TBCK: variants seen among roughly 807,000 people sequenced by gnomAD.
TBCK encodes the protein TBC1 domain containing kinase.
TBCK carries 99 observed loss-of-function variants against 113.4 expected under a neutral mutation model. The ratio of observed to expected loss-of-function variants is 0.87; its 90% CI spans 0.74 to 1.03. The LOEUF is 1.03. TBCK is among the 50% of genes least tolerant of loss of function. The probability of loss-of-function intolerance (pLI) is 0.00; values close to 1 mark genes in which losing one functional copy is unlikely to be tolerated. For synonymous variants in TBCK, 369 were observed against 370.8 expected, an observed-to-expected ratio of 1.00 and a Z score of 0.05; for missense variants, 1,045 against 1,061.3, an observed-to-expected ratio of 0.98 and a Z score of 0.21.
rs1361877006 is a variant in TBCK at position 106,050,707 on chromosome 4, A to G, written c.2572-4027T>C. ...CCCACTATAGGGCTACATCCCATGT[A>G]GAGAGAATGGGGGTCTTCAAATTGC... On this transcript the variant is annotated intron_variant, in intron 25 of 25. Coordinates refer to ENST00000394708, the MANE Select transcript of TBCK (RefSeq NM_001163435.3). 3.3e-5 allele frequency among the ~76,000 whole-genome samples: 5 copies of G among 152,082 alleles called. No homozygotes were observed. In the East Asian group the frequency reaches 5.8e-4, roughly 18 times the overall value.
Position 106,233,579 on chromosome 4 carries a change from A to T in TBCK, c.1512+9T>A. The T allele has an allele frequency of 6.2e-7, 1 of 1,608,988 alleles. No homozygotes were observed. Among genetic ancestry groups the T allele is most frequent in the Non-Finnish European group, 8.5e-7 (1 of 1,176,738 alleles). ...TATCTTAGGTTGCTTAAGAAAACCT[A>T]AATCATACTTGTCTATCTGTAGGAA... On this transcript the variant is annotated intron_variant, in intron 16 of 25. Coordinates refer to ENST00000394708, the MANE Select transcript of TBCK (RefSeq NM_001163435.3).
At chr4:106,091,932 T>C (rs922880255) in intron 25 of TBCK, among the ~76,000 whole-genome samples, 1 of 152,204 alleles carries the variant, frequency 6.6e-6, no homozygotes, top group African/African-American at 2.4e-5. Flanking sequence ...TTTGACAGGG[T>C]GCTGATTAGT....
chr4:106,149,163 G>A (rs1263085230), intron 23 of TBCK, among the ~76,000 whole-genome samples: 1 of 152,190 alleles, frequency 6.6e-6, no homozygotes, highest in Admixed American at 6.5e-5. Context: ...TTTGGCTTAA[G>A]GGAATGTTGT....
At chr4:106,262,767 TC>T (rs1162038487) in intron 3 of TBCK, among the ~76,000 whole-genome samples, 1 of 151,776 alleles carries the variant, frequency 6.6e-6, no homozygotes, top group African/African-American at 2.4e-5. Context: ...CACACAGATA[TC>T]CTCCAGTTTC....
intron 25 of TBCK, among the ~76,000 whole-genome samples, chr4:106,070,948 T>C (rs1328026197): frequency 6.6e-6 from 1 of 152,184 alleles, no homozygotes; most frequent in African/African-American, 2.4e-5. Context: ...TTTATAGTAT[T>C]TTCTGATGGT....
upstream of TBCK, chr4:106,316,648 G>A: frequency 1.0e-5 from 16 of 1,533,058 alleles, no homozygotes; most frequent in Non-Finnish European, 1.3e-5. Context: ...TGCGATCGTA[G>A]GGGTCTTCCT....
chr4:106,123,710 A>G (rs963274344), intron 23 of TBCK, among the ~76,000 whole-genome samples: 1 of 152,058 alleles, frequency 6.6e-6, no homozygotes, highest in African/African-American at 2.4e-5. Flanking sequence ...ATCTACAACT[A>G]CCTGATCTTT....
At chr4:106,246,644 C>T (rs1241168261) in intron 10 of TBCK, among the ~76,000 whole-genome samples, 1 of 152,096 alleles carries the variant, frequency 6.6e-6, no homozygotes, top group African/African-American at 2.4e-5. Flanking sequence ...GAGGCACAGG[C>T]TCACTTAAAG....
intron 25 of TBCK, among the ~76,000 whole-genome samples, chr4:106,068,008 T>A (rs897470902): frequency 6.6e-6 from 1 of 152,194 alleles, no homozygotes; most frequent in African/African-American, 2.4e-5. Flanking sequence ...TGGATTTTTT[T>A]AATTAAAAAA....
intron 22 of TBCK, among the ~76,000 whole-genome samples, chr4:106,191,276 G>A (rs959133973): frequency 2.0e-5 from 3 of 152,142 alleles, no homozygotes; most frequent in Non-Finnish European, 2.9e-5. Context: ...ATCTGGGGGA[G>A]TCCTGAAACC....
rs1170136561 is a variant in TBCK, at chr4:106,308,831, T to C, written c.130A>G (p.Ile44Val). ...CTGGGATGGGTGATGGTTTTAAGGA[T>C]TTGAAAGCGCCCTAAAATTTTGATG... is the stretch of plus-strand genomic sequence containing the variant. ...NSIKILGRFQ[I>V]LKTITHPRLC... is the part of the protein sequence containing the mutation. Residue 44 changes from isoleucine (I) to valine (V), a missense_variant, in exon 2 of 26, where the codon ATC becomes GTC. Ile to Val is a conservative substitution (Grantham distance 29). Transcript: ENST00000394708. 1.2e-6 allele frequency: 2 copies of C among 1,614,056 alleles called. No homozygotes were observed. Among genetic ancestry groups the C allele is most frequent in the Non-Finnish European group, 1.7e-6 (2 of 1,180,024 alleles).
At chr4:106,184,430 C>T (rs1402585645) in intron 22 of TBCK, among the ~76,000 whole-genome samples, 2 of 151,686 alleles carry the variant, frequency 1.3e-5, no homozygotes, top group South Asian at 2.1e-4. Context: ...GGAGTAATAC[C>T]CTATGTATTA....
intron 20 of TBCK, among the ~76,000 whole-genome samples, chr4:106,205,659 G>A (rs2149860005): frequency 6.6e-6 from 1 of 150,612 alleles, no homozygotes; most frequent in East Asian, 1.9e-4. Context: ...CCAGTTACTT[G>A]GGAGGCTGAG....
chr4:106,244,574 T>A, intron 11 of TBCK, 52 bp downstream of exon 11: 2 of 1,377,102 alleles, frequency 1.5e-6, no homozygotes, highest in South Asian at 1.6e-5. Context: ...ACCATAGAAT[T>A]ATTACCATGT....
Position 106,120,818 on chromosome 4 carries a change from A to C in TBCK, c.2236-4440T>G, listed in dbSNP as rs542105577. 6.4e-3 allele frequency among the ~76,000 whole-genome samples: 975 copies of C among 152,264 alleles called. 4 individuals carry two copies. The highest frequency in any genetic ancestry group is 0.013 in the South Asian group (61 of 4,828). On this transcript the variant is annotated intron_variant, in intron 23 of 25. Coordinates refer to ENST00000394708, the MANE Select transcript of TBCK (RefSeq NM_001163435.3). The stretch of plus-strand genomic sequence containing the variant: ...ATCCACACCAAAAACCCATCTGTAC[A>C]TCACCATCATCAAAGACCAAAAGCA...
intron 25 of TBCK, among the ~76,000 whole-genome samples, chr4:106,074,992 G>C (rs1051418388): frequency 3.9e-5 from 6 of 152,222 alleles, no homozygotes; most frequent in Non-Finnish European, 7.3e-5. Context: ...AGGAGACATG[G>C]AAGTTAGCTT....
intron 25 of TBCK, among the ~76,000 whole-genome samples, chr4:106,074,312 C>T (rs1737903074): frequency 1.3e-5 from 2 of 152,262 alleles, no homozygotes; most frequent in Middle Eastern, 3.4e-3. Context: ...GGAAGATTGG[C>T]TCAAATTCTA....
intron 22 of TBCK, among the ~76,000 whole-genome samples, chr4:106,179,819 G>A (rs1044136810): frequency 6.6e-6 from 1 of 152,118 alleles, no homozygotes; most frequent in Non-Finnish European, 1.5e-5. Flanking sequence ...GATGACCTGT[G>A]TATTGCTAGA....
At chr4:106,242,065 T>C (rs1455876853) in intron 12 of TBCK, among the ~76,000 whole-genome samples, 2 of 151,932 alleles carry the variant, frequency 1.3e-5, no homozygotes, top group East Asian at 3.9e-4. Flanking sequence ...AGATATGAAC[T>C]AGTAATACAT....
Sources: allele counts gnomAD v4.1 joint callset (sites outside exome capture counted in the v4.1 genomes callset), GRCh38; gene constraint gnomAD v4.1.1; transcripts MANE v1.5; gene names NCBI Gene and HGNC (gene_info 2026-07-23, HGNC 2026-07-21).